GPHN: variants seen among roughly 807,000 people sequenced by gnomAD.
GPHN encodes gephyrin.
A neutral mutation model predicts 95.5 loss-of-function variants in GPHN; 17 were observed. The ratio of observed to expected loss-of-function variants is 0.18; its 90% CI spans 0.12 to 0.27. The LOEUF is 0.27. Ranked by LOEUF, GPHN falls within the 10% of genes least tolerant of loss-of-function variation. GPHN has a pLI of 1.00. For missense variants in GPHN, 660 were observed against 978.1 expected, an observed-to-expected ratio of 0.67 and a Z score of 4.34; for synonymous variants, 320 against 322.5, an observed-to-expected ratio of 0.99 and a Z score of 0.08.
At chr14:66,658,339 C>CA (rs2065428616) in intron 1 of GPHN, among the ~76,000 whole-genome samples, 1 of 151,818 alleles carries the variant, frequency 6.6e-6, no homozygotes, top group Non-Finnish European at 1.5e-5. Flanking sequence ...ATTGGAATGA[C>CA]AAAAAAGGAT....
chr14:67,390,787 G>A, the GPHN span: 4 of 1,330,260 alleles, frequency 3.0e-6, no homozygotes, highest in Non-Finnish European at 4.3e-6. Flanking sequence ...GGTGACAGCT[G>A]CATGTCCCTC....
intron 12 of GPHN, among the ~76,000 whole-genome samples, chr14:67,094,118 A>G (rs1233608764): frequency 1.3e-5 from 2 of 152,132 alleles, no homozygotes; most frequent in African/African-American, 4.8e-5. Flanking sequence ...ATTTCAAGAG[A>G]CTTAAAGAAA....
chr14:67,321,347 C>T, the GPHN span: 5 of 1,213,430 alleles, frequency 4.1e-6, no homozygotes, highest in Non-Finnish European at 6.0e-6. Context: ...GGTCCAAGAA[C>T]AGCGCGACCT....
intron 3 of GPHN, 55 bp downstream of exon 3, chr14:66,776,576 G>T (rs1211287792): frequency 1.1e-5 from 11 of 976,348 alleles, no homozygotes; most frequent in Admixed American, 1.7e-5. Context: ...GTGAGGGGTG[G>T]GGAAGAGTTG....
At chr14:66,629,249 CGT>C (rs1489906561) in intron 1 of GPHN, among the ~76,000 whole-genome samples, 2 of 131,706 alleles carry the variant, frequency 1.5e-5, no homozygotes, top group African/African-American at 3.3e-5. Flanking sequence ...ATAAAACACA[CGT>C]GTGTGTTTCT....
the GPHN span, among the ~76,000 whole-genome samples, chr14:67,550,820 G>A: frequency 6.7e-3 from 1,021 of 152,334 alleles, 4 homozygotes; most frequent in Admixed American, 0.013. Context: ...GTCTACTTGA[G>A]TTTGAATTCT....
At chr14:67,569,632 G>A in the GPHN span, 40 of 490,718 alleles carry the variant, frequency 8.2e-5, no homozygotes, top group Non-Finnish European at 1.3e-4. Context: ...ATAGCCGTAT[G>A]ATTTGTAACT....
the GPHN span, among the ~76,000 whole-genome samples, chr14:67,502,087 C>T: frequency 6.6e-6 from 1 of 152,190 alleles, no homozygotes; most frequent in Non-Finnish European, 1.5e-5. Context: ...AATACCAACA[C>T]TTTGGGAGGC....
chr14:67,276,972 T>G, the GPHN span, among the ~76,000 whole-genome samples: 1 of 152,318 alleles, frequency 6.6e-6, no homozygotes, highest in South Asian at 2.1e-4. Context: ...TAAATTTGAT[T>G]TTTAATATCC....
At chr14:66,621,673 C>T (rs139344525) in intron 1 of GPHN, among the ~76,000 whole-genome samples, 3,256 of 152,282 alleles carry the variant, frequency 0.021, 39 homozygotes, top group Middle Eastern at 0.12. Flanking sequence ...TCCACCGCCT[C>T]GGCCTCCCAA....
chr14:67,729,447 G>C, the GPHN span: 2 of 1,497,450 alleles, frequency 1.3e-6, no homozygotes, highest in African/African-American at 1.4e-5. Context: ...TCGCTGGGCT[G>C]TTCATCCTGA....
intron 1 of GPHN, among the ~76,000 whole-genome samples, chr14:66,619,448 G>T (rs935091722): frequency 6.8e-6 from 1 of 146,942 alleles, no homozygotes; most frequent in Non-Finnish European, 1.5e-5. Context: ...ATTTTAATTT[G>T]CATTTTCCTG....
At chr14:67,671,263 C>T in the GPHN span, among the ~76,000 whole-genome samples, 2 of 152,188 alleles carry the variant, frequency 1.3e-5, no homozygotes, top group Non-Finnish European at 2.9e-5. Context: ...CAGTGGCTCA[C>T]ACCTGTAATC....
chr14:66,647,624 AT>A (rs1348080109), intron 1 of GPHN, among the ~76,000 whole-genome samples: 1 of 151,732 alleles, frequency 6.6e-6, no homozygotes, highest in Non-Finnish European at 1.5e-5. Context: ...ACAGTATGAG[AT>A]TAACAATAAC....
the GPHN span, chr14:67,320,214 C>G: frequency 1.3e-6 from 2 of 1,597,962 alleles, no homozygotes; most frequent in Non-Finnish European, 1.7e-6. Context: ...AAGAGCTTAA[C>G]TTTTTTTTCC....
chr14:66,605,732 C>G (rs2062496461), intron 1 of GPHN, among the ~76,000 whole-genome samples: 3 of 151,960 alleles, frequency 2.0e-5, no homozygotes, highest in African/African-American at 7.2e-5. Flanking sequence ...CGGGGTTTCA[C>G]TGTGTTAGCC....
At chr14:67,509,533 G>C in the GPHN span, among the ~76,000 whole-genome samples, 1 of 152,186 alleles carries the variant, frequency 6.6e-6, no homozygotes, top group African/African-American at 2.4e-5. Flanking sequence ...TGCTCAGGCT[G>C]GTCTTGAACT....
chr14:67,327,061 G>C, the GPHN span, among the ~76,000 whole-genome samples: 49 of 152,292 alleles, frequency 3.2e-4, no homozygotes, highest in African/African-American at 1.2e-3. Context: ...TGTAATCCCA[G>C]CTACTTGGGA....
chr14:67,364,664 T>G, the GPHN span: 21 of 1,215,830 alleles, frequency 1.7e-5, no homozygotes, highest in Non-Finnish European at 2.2e-5. Context: ...TAATAACTAT[T>G]TTTTTCTTCA....
Sources: allele counts gnomAD v4.1 joint callset (sites outside exome capture counted in the v4.1 genomes callset), GRCh38; gene constraint gnomAD v4.1.1; transcripts MANE v1.5; gene names NCBI Gene and HGNC (gene_info 2026-07-23, HGNC 2026-07-21).